The following KIF20B variants were observed in gnomAD, a reference collection of about 807,000 sequenced individuals.
KIF20B encodes the protein kinesin family member 20B.
KIF20B carries 188 observed loss-of-function variants against 232.5 expected under a neutral mutation model. The observed-to-expected ratio is 0.81, with a 90% CI of 0.72 to 0.91. KIF20B has a LOEUF of 0.91. KIF20B is among the 40% of genes least tolerant of loss of function. The pLI, the probability that KIF20B is intolerant of heterozygous loss-of-function variation, is 0.00. For missense variants in KIF20B, 2,154 were observed against 2,055.9 expected, an observed-to-expected ratio of 1.05 and a Z score of -0.92; for synonymous variants, 712 against 683.0, an observed-to-expected ratio of 1.04 and a Z score of -0.66.
chr10:89,709,775 TA>T, intron 4 of KIF20B, 151 bp from the exon 5 acceptor site: 1 of 513,684 alleles, frequency 1.9e-6, no homozygotes, highest in Non-Finnish European at 3.1e-6. Flanking sequence ...TTTCTGGTAG[TA>T]AAACTATCAA....
intron 31 of KIF20B, among the ~76,000 whole-genome samples, chr10:89,770,123 A>G (rs1249576772): frequency 6.6e-6 from 1 of 152,028 alleles, no homozygotes; most frequent in African/African-American, 2.4e-5. Flanking sequence ...AGCTTCTGAA[A>G]ATCCAGATTG....
At chr10:89,742,168 C>G (rs1201950082) in intron 21 of KIF20B, among the ~76,000 whole-genome samples, 1 of 152,168 alleles carries the variant, frequency 6.6e-6, no homozygotes, top group Non-Finnish European at 1.5e-5. Context: ...TGGTGCACCT[C>G]ACTGCAAAAG....
At chr10:89,721,819 TTATCA>T in intron 13 of KIF20B, among the ~76,000 whole-genome samples, 1 of 152,318 alleles carries the variant, frequency 6.6e-6, no homozygotes, top group African/African-American at 2.4e-5. Context: ...GTATAAATGC[TTATCA>T]TATAAGATTG....
At chr10:89,770,902 T>A (rs1230363730) in intron 31 of KIF20B, among the ~76,000 whole-genome samples, 1 of 152,106 alleles carries the variant, frequency 6.6e-6, no homozygotes, top group Non-Finnish European at 1.5e-5. Context: ...GATCCTTTAA[T>A]GATTTCTCAT....
chr10:89,732,635 A>G (rs186102479), intron 18 of KIF20B, among the ~76,000 whole-genome samples: 2 of 152,336 alleles, frequency 1.3e-5, no homozygotes, highest in East Asian at 1.9e-4. Context: ...CAAAATAAAT[A>G]GTTGAGTTCA....
intron 14 of KIF20B, 40 bp from the exon 15 acceptor site, chr10:89,724,980 C>G (rs1450126034): frequency 1.9e-6 from 3 of 1,580,522 alleles, no homozygotes; most frequent in Non-Finnish European, 2.6e-6. Flanking sequence ...CAAAGTAGTT[C>G]GTTTTCTGTT....
chr10:89,726,166 ATTTAT>A (rs1843182788), intron 15 of KIF20B, 122 bp from the exon 16 acceptor site: 5 of 1,257,504 alleles, frequency 4.0e-6, no homozygotes, highest in Non-Finnish European at 5.1e-6. Flanking sequence ...CTTCTATATA[ATTTAT>A]TTTAAAGAAT....
intron 19 of KIF20B, among the ~76,000 whole-genome samples, chr10:89,733,784 A>G (rs1264936625): frequency 6.6e-6 from 1 of 152,218 alleles, no homozygotes; most frequent in Non-Finnish European, 1.5e-5. Flanking sequence ...TAAATTATAC[A>G]TAATAAAACC....
At chr10:89,769,577 A>G (rs1227371046) in intron 31 of KIF20B, among the ~76,000 whole-genome samples, 1 of 152,000 alleles carries the variant, frequency 6.6e-6, no homozygotes, top group African/African-American at 2.4e-5. Context: ...CATTATTTTC[A>G]TAAATACCTA....
chr10:89,765,421 G>A (rs1393736249), intron 29 of KIF20B, among the ~76,000 whole-genome samples: 1 of 152,158 alleles, frequency 6.6e-6, no homozygotes, highest in Non-Finnish European at 1.5e-5. Flanking sequence ...CCATGCTCAT[G>A]TGTAGGAAGA....
chr10:89,703,861 T>A (rs1207358878), intron 1 of KIF20B, among the ~76,000 whole-genome samples: 1 of 151,206 alleles, frequency 6.6e-6, no homozygotes, highest in African/African-American at 2.4e-5. Flanking sequence ...CAAGCGATTC[T>A]CCTACCTCAG....
chr10:89,760,750 C>G (rs1262731077), intron 28 of KIF20B, 114 bp downstream of exon 28: 7 of 634,358 alleles, frequency 1.1e-5, no homozygotes. Flanking sequence ...TGTGTGTGCT[C>G]TGGGCTGTGT....
chr10:89,774,698 C>A lies in KIF20B; in HGVS notation c.*650C>A, dbSNP rs1489187132. 1.3e-5 allele frequency: 2 copies of A among 151,898 alleles called. No homozygotes were observed. Among genetic ancestry groups the A allele is most frequent in the Non-Finnish European group, 2.9e-5 (2 of 67,904 alleles). The allele number at this position is 151,898 out of a possible 1,614,324, so 9.4% of individuals were successfully genotyped here. A position where few individuals can be genotyped will look rare whatever the true frequency, so the allele number is the denominator to read the frequency against. ...GAATTACAGATAATCCAATTACATTCTTTAGATCATTTAAAAATATACAAG... is the reference window on the plus strand; with the variant it reads ...GAATTACAGATAATCCAATTACATTATTTAGATCATTTAAAAATATACAAG... On this transcript the variant is annotated 3_prime_UTR_variant, in exon 33 of 33. Coordinates refer to ENST00000371728, the MANE Select transcript of KIF20B (RefSeq NM_001284259.2).
chr10:89,713,550 C>T (rs113839526), intron 6 of KIF20B, among the ~76,000 whole-genome samples: 29 of 152,150 alleles, frequency 1.9e-4, no homozygotes, highest in African/African-American at 6.7e-4. Context: ...TTTTCATCCA[C>T]CAATTCACTT....
At chr10:89,741,887 C>G (rs1841801802) in intron 21 of KIF20B, among the ~76,000 whole-genome samples, 2 of 152,182 alleles carry the variant, frequency 1.3e-5, no homozygotes, top group South Asian at 4.1e-4. Flanking sequence ...ATTATCAGAT[C>G]ACGTGTCATG....
chr10:89,721,747 G>C (rs1474393667), intron 13 of KIF20B, among the ~76,000 whole-genome samples: 1 of 151,762 alleles, frequency 6.6e-6, no homozygotes, highest in Non-Finnish European at 1.5e-5. Context: ...ATGTTGGTTA[G>C]TAAAATTTCT....
intron 26 of KIF20B, among the ~76,000 whole-genome samples, chr10:89,757,021 G>GT (rs1476483476): frequency 5.4e-5 from 5 of 93,052 alleles, no homozygotes; most frequent in Admixed American, 2.2e-4. Context: ...ATATATCTCT[G>GT]TTGTGTGTGT....
intron 31 of KIF20B, among the ~76,000 whole-genome samples, chr10:89,769,734 G>C (rs1842431046): frequency 6.6e-6 from 1 of 151,862 alleles, no homozygotes; most frequent in Non-Finnish European, 1.5e-5. Context: ...TGGAGTATCA[G>C]AAAAATGTAG....
At chr10:89,705,463 T>G in intron 2 of KIF20B, 22 bp downstream of exon 2, 3 of 1,608,424 alleles carry the variant, frequency 1.9e-6, no homozygotes, top group Non-Finnish European at 2.5e-6. Context: ...AAAAGTATTG[T>G]GTTGATTATC....
Sources: allele counts gnomAD v4.1 joint callset (sites outside exome capture counted in the v4.1 genomes callset), GRCh38; gene constraint gnomAD v4.1.1; transcripts MANE v1.5; gene names NCBI Gene and HGNC (gene_info 2026-07-23, HGNC 2026-07-21).